Variants in ARHGEF10L observed in about 807,000 individuals in gnomAD.
ARHGEF10L encodes rho guanine nucleotide exchange factor 10-like protein.
In ARHGEF10L, 69 loss-of-function variants were observed where a neutral mutation model predicts 141.2. The ratio of observed to expected loss-of-function variants is 0.49; its 90% CI spans 0.40 to 0.60. The LOEUF (loss-of-function observed/expected upper bound fraction) is 0.60, where lower values mean the gene tolerates loss of function less well. Among genes scored for constraint, ARHGEF10L ranks in the 20% least tolerant of loss-of-function variants. The probability of loss-of-function intolerance (pLI) is 0.00; values close to 1 mark genes in which losing one functional copy is unlikely to be tolerated. For missense variants in ARHGEF10L, 1,482 were observed against 1,734.3 expected (o/e 0.85, Z 2.58); for synonymous variants, 711 against 718.5 (o/e 0.99, Z 0.17).
intron 21 of ARHGEF10L, among the ~76,000 whole-genome samples, chr1:17,642,754 C>T (rs1175221738): frequency 6.6e-6 from 1 of 152,238 alleles, no homozygotes; most frequent in Non-Finnish European, 1.5e-5. Context: ...TGGCAGAAGA[C>T]TTTGGGAATC....
rs147063850 is a variant in ARHGEF10L, at chr1:17,583,432, A to G, written c.37+2800A>G. Among the ~76,000 whole-genome samples, 349 of 152,294 alleles carry G rather than the reference A, an allele frequency of 2.3e-3. 4 individuals carry two copies. Among genetic ancestry groups the G allele is most frequent in the Middle Eastern group, 0.01 (3 of 294 alleles). On this transcript the variant is annotated intron_variant, in intron 2 of 28. Coordinates refer to ENST00000361221, the MANE Select transcript of ARHGEF10L (RefSeq NM_018125.4). ...AACGATGGTGATAATAATAAGCAGA[A>G]TCATCATCGTCAGAAAAGCTAACAT...
chr1:17,586,861 G>A (rs2079064072), intron 2 of ARHGEF10L, among the ~76,000 whole-genome samples: 1 of 152,064 alleles, frequency 6.6e-6, no homozygotes, highest in Admixed American at 6.5e-5. Flanking sequence ...TTCCCCAGGA[G>A]GGTAAAAGCA....
chr1:17,593,314 C>T (rs190585290), intron 4 of ARHGEF10L, among the ~76,000 whole-genome samples: 2 of 152,318 alleles, frequency 1.3e-5, no homozygotes, highest in Non-Finnish European at 2.9e-5. Context: ...CTGTGGGAGG[C>T]AGAATCATGG....
At chr1:17,677,247 A>G (rs143706017) in intron 26 of ARHGEF10L, among the ~76,000 whole-genome samples, 1 of 152,168 alleles carries the variant, frequency 6.6e-6, no homozygotes, top group African/African-American at 2.4e-5. Flanking sequence ...TTCACTTTCT[A>G]GATGTTAAAT....
intron 2 of ARHGEF10L, among the ~76,000 whole-genome samples, chr1:17,581,635 G>A (rs546310451): frequency 6.6e-6 from 1 of 152,290 alleles, no homozygotes; most frequent in Admixed American, 6.5e-5. Context: ...TGTGGGGCTG[G>A]TTAAGTGACA....
chr1:17,655,437 GTCCATCCA>G (rs55790600), intron 23 of ARHGEF10L, among the ~76,000 whole-genome samples: 2,778 of 148,560 alleles, frequency 0.019, 81 homozygotes, highest in African/African-American at 0.056. Flanking sequence ...TCTATCATCT[GTCCATCCA>G]TCCATCCATC....
chr1:17,559,496 A>C (rs1182332203), intron 1 of ARHGEF10L, among the ~76,000 whole-genome samples: 6 of 151,852 alleles, frequency 4.0e-5, no homozygotes, highest in Non-Finnish European at 1.5e-5. Context: ...TAGGGGACCG[A>C]CACCCCCCAG....
chr1:17,630,795 G>T (rs1417212374), intron 15 of ARHGEF10L, among the ~76,000 whole-genome samples: 3 of 152,258 alleles, frequency 2.0e-5, no homozygotes, highest in Non-Finnish European at 4.4e-5. Flanking sequence ...TGGGCATTTG[G>T]TCCCACTGGG....
chr1:17,638,414 G>C, intron 19 of ARHGEF10L, 148 bp from the exon 20 acceptor site: 1 of 1,200,682 alleles, frequency 8.3e-7, no homozygotes, highest in Non-Finnish European at 1.2e-6. Flanking sequence ...TTGGCCTCCT[G>C]CGTGGGGCTA....
rs200944329 is a variant in ARHGEF10L, at chr1:17,687,586, C to T, written c.3023C>T (p.Ala1008Val). 95 of 1,612,844 alleles carry T rather than the reference C, an allele frequency of 5.9e-5. No individual in the cohort carries two copies. Among genetic ancestry groups the T allele is most frequent in the Middle Eastern group, 1.7e-4 (1 of 6,058 alleles). Residue 1008 changes from alanine to valine, a missense_variant, in exon 27 of 29, where the codon GCG becomes GTG. Around this residue, in one of 3 missense-constraint regions of ARHGEF10L, gnomAD observed 858 missense variants for 966.3 expected, o/e 0.89. Transcript: ENST00000361221. ...TTTGTGCCACAGCAAAGCTTCGAGGCGCACCAGGACGAGGCAGTGAGCGTG... is the reference window on the plus strand; with the variant it reads ...TTTGTGCCACAGCAAAGCTTCGAGGTGCACCAGGACGAGGCAGTGAGCGTG... The part of the protein sequence containing the change: ...TTLQPQQSFE[A>V]HQDEAVSVTH...
chr1:17,691,631 A>C (rs1405153817), intron 27 of ARHGEF10L, among the ~76,000 whole-genome samples: 4 of 152,154 alleles, frequency 2.6e-5, no homozygotes, highest in Admixed American at 6.5e-5. Flanking sequence ...CATAAACATT[A>C]TCCTAATAGC....
chr1:17,565,414 C>T (rs2077710976), intron 1 of ARHGEF10L, among the ~76,000 whole-genome samples: 1 of 152,326 alleles, frequency 6.6e-6, no homozygotes, highest in Middle Eastern at 3.4e-3. Flanking sequence ...CTGCTGCATC[C>T]CAGGCATTGC....
the ARHGEF10L span, among the ~76,000 whole-genome samples, chr1:17,528,025 T>C: frequency 6.6e-6 from 1 of 151,860 alleles, no homozygotes; most frequent in Non-Finnish European, 1.5e-5. Flanking sequence ...TGAGCCACCA[T>C]ACCTGGCTAA....
chr1:17,514,018 T>C, the ARHGEF10L span, among the ~76,000 whole-genome samples: 2 of 151,542 alleles, frequency 1.3e-5, no homozygotes, highest in African/African-American at 2.4e-5. Context: ...GAGACAGGGT[T>C]TCTCCATGTT....
chr1:17,582,519 T>C (rs2078662149), intron 2 of ARHGEF10L, among the ~76,000 whole-genome samples: 1 of 152,244 alleles, frequency 6.6e-6, no homozygotes, highest in African/African-American at 2.4e-5. Context: ...CCTTGTCAAC[T>C]GTCTAATGAC....
intron 21 of ARHGEF10L, among the ~76,000 whole-genome samples, chr1:17,647,964 A>G (rs1327258630): frequency 6.6e-6 from 1 of 152,110 alleles, no homozygotes; most frequent in Non-Finnish European, 1.5e-5. Context: ...AGGCCCAGCT[A>G]GGGTGGGTGA....
chr1:17,664,851 G>T (rs1348552694), intron 26 of ARHGEF10L, among the ~76,000 whole-genome samples: 1 of 152,192 alleles, frequency 6.6e-6, no homozygotes, highest in Admixed American at 6.5e-5. Context: ...GAGTTGTGTC[G>T]GTTGCTGCCT....
chr1:17,654,429 C>G lies in ARHGEF10L; in HGVS notation c.2395-207C>G, dbSNP rs2062108093. The stretch of plus-strand genomic sequence containing the variant: ...AGAGCCTCTTGCAGGCCTCTTCTAG[C>G]CGGAAGGTTCTAGGAAAGGAAGAAC... On this transcript the variant is annotated intron_variant, in intron 22 of 28. Coordinates refer to ENST00000361221, the MANE Select transcript of ARHGEF10L (RefSeq NM_018125.4). The surrounding 1 kb of genome is among the most constrained non-coding windows in gnomAD (Gnocchi z 4.3). 6.6e-6 allele frequency among the ~76,000 whole-genome samples: 1 copy of G among 152,124 alleles called. No individual in the cohort carries two copies. Among genetic ancestry groups the G allele is most frequent in the Non-Finnish European group, 1.5e-5 (1 of 68,032 alleles).
the ARHGEF10L span, among the ~76,000 whole-genome samples, chr1:17,522,052 G>T: frequency 6.6e-6 from 1 of 152,184 alleles, no homozygotes; most frequent in East Asian, 1.9e-4. Context: ...CAGAGGGAGG[G>T]TTGAAAGCCG....
Sources: allele counts gnomAD v4.1 joint callset (sites outside exome capture counted in the v4.1 genomes callset), GRCh38; gene constraint gnomAD v4.1.1; regional missense constraint gnomAD v4.1.1; non-coding constraint Gnocchi (gnomAD v3.1); transcripts MANE v1.5; gene names NCBI Gene and HGNC (gene_info 2026-07-23, HGNC 2026-07-21).